ASIP: variants seen among roughly 807,000 people sequenced by gnomAD.
The protein encoded by ASIP is agouti-signaling protein.
Under a neutral mutation model 10.3 loss-of-function variants are expected in ASIP, and 11 were observed. The ratio of observed to expected loss-of-function variants is 1.07; its 90% CI spans 0.68 to 1.78. ASIP has a LOEUF of 1.78. Ranked by LOEUF, ASIP falls within the 40% of genes most tolerant of loss-of-function variation. ASIP has a pLI of 0.00. For synonymous variants in ASIP, 70 were observed against 70.8 expected, an observed-to-expected ratio of 0.99 and a Z score of 0.06; for missense variants, 180 against 169.2, an observed-to-expected ratio of 1.06 and a Z score of -0.35.
chr20:34,251,991 A>G (rs2035484797), intron 1 of ASIP, among the ~76,000 whole-genome samples: 1 of 152,234 alleles, frequency 6.6e-6, no homozygotes, highest in African/African-American at 2.4e-5. Flanking sequence ...TAAACAGACT[A>G]AGACAGGATT....
At chr20:34,257,943 A>T (rs534537816) in intron 1 of ASIP, among the ~76,000 whole-genome samples, 1 of 152,310 alleles carries the variant, frequency 6.6e-6, no homozygotes, top group Admixed American at 6.5e-5. Context: ...CAGGAGTTTG[A>T]GATCAGCTTG....
At chr20:34,225,949 A>G (rs901712976) in intron 1 of ASIP, among the ~76,000 whole-genome samples, 10 of 150,604 alleles carry the variant, frequency 6.6e-5, no homozygotes, top group African/African-American at 2.5e-4. Context: ...GCTGGAGTGT[A>G]GTGGCGCAGT....
intron 1 of ASIP, chr20:34,215,750 C>T: frequency 1.3e-6 from 2 of 1,485,984 alleles, no homozygotes; most frequent in Non-Finnish European, 1.9e-6. Flanking sequence ...ATGATCATCA[C>T]TATATGTCCT....
At chr20:34,215,631 G>T (rs1419097437) in intron 1 of ASIP, 18 of 1,483,068 alleles carry the variant, frequency 1.2e-5, no homozygotes, top group Non-Finnish European at 1.7e-5. Flanking sequence ...ATCTGAGCTT[G>T]CAGCCATGAT....
intron 1 of ASIP, among the ~76,000 whole-genome samples, chr20:34,258,887 TTATA>T (rs1208850131): frequency 7.7e-6 from 1 of 130,604 alleles, no homozygotes; most frequent in African/African-American, 2.8e-5. Flanking sequence ...ATATATAGTA[TTATA>T]TATATAGTGT....
chr20:34,186,777 G>A, the ASIP span, among the ~76,000 whole-genome samples: 245 of 152,152 alleles, frequency 1.6e-3, 1 homozygote, highest in African/African-American at 5.8e-3. Flanking sequence ...TGGAATTTGG[G>A]GTAGCTTTGG....
chr20:34,263,911 T>C (rs1305525606), intron 3 of ASIP, among the ~76,000 whole-genome samples: 2 of 152,108 alleles, frequency 1.3e-5, no homozygotes, highest in African/African-American at 4.8e-5. Flanking sequence ...CCTCAGGTGA[T>C]CCACCTGCCT....
chr20:34,198,292 G>T (rs1294220093), intron 1 of ASIP, among the ~76,000 whole-genome samples: 1 of 151,962 alleles, frequency 6.6e-6, no homozygotes, highest in Non-Finnish European at 1.5e-5. Context: ...GTTTCACCAT[G>T]TTGGCCAGGC....
chr20:34,214,898 G>C (rs2034997505), intron 1 of ASIP: 1 of 1,566,606 alleles, frequency 6.4e-7, no homozygotes, highest in South Asian at 1.1e-5. Flanking sequence ...TCAATAGCTT[G>C]TAGTGCCTCT....
intron 1 of ASIP, chr20:34,215,001 C>T: frequency 7.0e-7 from 1 of 1,433,158 alleles, no homozygotes; most frequent in East Asian, 2.3e-5. Context: ...AAAATCTGGC[C>T]AACATCTTCT....
intron 1 of ASIP, among the ~76,000 whole-genome samples, chr20:34,217,818 T>G (rs2035020005): frequency 6.6e-6 from 1 of 152,210 alleles, no homozygotes; most frequent in African/African-American, 2.4e-5. Flanking sequence ...CGCCTCGGCC[T>G]CCCAAAGTAC....
At chr20:34,213,001 C>T (rs562378523) in intron 1 of ASIP, among the ~76,000 whole-genome samples, 1 of 152,284 alleles carries the variant, frequency 6.6e-6, no homozygotes, top group Non-Finnish European at 1.5e-5. Context: ...AGCAAGAAGC[C>T]TCCTAGAATG....
At chr20:34,239,439 A>G (rs2035254867), upstream of ASIP, among the ~76,000 whole-genome samples, 1 of 151,808 alleles carries the variant, frequency 6.6e-6, no homozygotes, top group South Asian at 2.1e-4. Flanking sequence ...CTCTTCTCGA[A>G]CTCCTGACCT....
intron 1 of ASIP, chr20:34,215,878 A>C: frequency 9.4e-7 from 1 of 1,060,900 alleles, no homozygotes; most frequent in East Asian, 2.4e-5. Context: ...GCCCTAATAG[A>C]GCCTGTTTAT....
In ASIP at chr20:34,201,003, TCCTTCCTTCCTTCCTTC is replaced by T. The variant is rs2034891300; in HGVS notation, c.-11+6244_-11+6260del. On this transcript the variant is annotated intron_variant, in intron 1 of 3. Coordinates refer to the ASIP transcript ENST00000568305. ...TTCCTTCCTTCCTTCCTTCCTTCCT[TCCTTCCTTCCTTCCTTC>T]TTTCTTTCTTTCTTTCTTTCTTTCT... Among the ~76,000 whole-genome samples the T allele has an allele frequency of 7.4e-4, 52 of 70,068 alleles. 2 individuals carry two copies. The highest frequency in any genetic ancestry group is 7.3e-3 in the African/African-American group (50 of 6,806). 46.0% of individuals were successfully genotyped at this position (70,068 alleles called of 152,430 possible).
intron 1 of ASIP, among the ~76,000 whole-genome samples, chr20:34,209,021 C>A (rs540967876): frequency 1.3e-5 from 2 of 152,314 alleles, no homozygotes; most frequent in South Asian, 4.1e-4. Context: ...GAGTCTTTAG[C>A]TTTTCTAAAC....
chr20:34,204,936 C>T (rs1223854659), intron 1 of ASIP, among the ~76,000 whole-genome samples: 2 of 152,136 alleles, frequency 1.3e-5, no homozygotes, highest in Non-Finnish European at 2.9e-5. Context: ...ATGGAATATC[C>T]ATCACCTCAA....
At chr20:34,246,571 C>T (rs2035379467) in intron 1 of ASIP, 2 of 785,554 alleles carry the variant, frequency 2.5e-6, no homozygotes, top group Non-Finnish European at 4.4e-6. Flanking sequence ...CTCAAGCAAT[C>T]CTCCCACCTC....
intron 1 of ASIP, among the ~76,000 whole-genome samples, chr20:34,253,187 G>A (rs898656919): frequency 6.7e-6 from 1 of 150,126 alleles, no homozygotes; most frequent in African/African-American, 2.5e-5. Flanking sequence ...CTCACTGCAA[G>A]CTCTGCCTCT....
Sources: allele counts gnomAD v4.1 joint callset (sites outside exome capture counted in the v4.1 genomes callset), GRCh38; gene constraint gnomAD v4.1.1; transcripts MANE v1.5; gene names NCBI Gene and HGNC (gene_info 2026-07-23, HGNC 2026-07-21).